Variants in ATM observed in about 807,000 individuals in gnomAD.
ATM encodes serine-protein kinase ATM.
ATM carries 308 observed loss-of-function variants against 387.0 expected under a neutral mutation model. The ratio of observed to expected loss-of-function variants is 0.80; its 90% CI spans 0.73 to 0.87. The LOEUF (loss-of-function observed/expected upper bound fraction) is 0.87. ATM is among the 40% of genes least tolerant of loss of function. The probability of loss-of-function intolerance (pLI) is 0.00; values close to 1 mark genes in which losing one functional copy is unlikely to be tolerated. For synonymous variants in ATM, 1,156 were observed against 1,187.3 expected, an observed-to-expected ratio of 0.97 and a Z score of 0.54; for missense variants, 3,312 against 3,560.9, an observed-to-expected ratio of 0.93 and a Z score of 1.78.
At chr11:108,291,847 T>G (rs1052823258) in intron 29 of ATM, among the ~76,000 whole-genome samples, 1 of 152,192 alleles carries the variant, frequency 6.6e-6, no homozygotes, top group African/African-American at 2.4e-5. Context: ...TTCTCTGGTC[T>G]TTTCTGAGCA....
At chr11:108,346,011 G>A (rs538880368) in intron 58 of ATM, 103 bp downstream of exon 58, 526 of 1,338,452 alleles carry the variant, frequency 3.9e-4, no homozygotes, top group African/African-American at 3.7e-3. Flanking sequence ...GCAGGGGGAT[G>A]ATAGTGATGA....
intron 22 of ATM, among the ~76,000 whole-genome samples, chr11:108,277,709 A>T (rs1218854463): frequency 6.6e-6 from 1 of 152,072 alleles, no homozygotes; most frequent in Non-Finnish European, 1.5e-5. Context: ...CGTGGGCTGC[A>T]CCCACTGTCT....
rs111635941 is a variant in ATM at position 108,317,667 on chromosome 11, A to T, written c.6347+146A>T. The T allele has an allele frequency of 1.9e-4, 45 of 231,366 alleles. 1 individual carries two copies. Among genetic ancestry groups the T allele is most frequent in the Middle Eastern group, 1.5e-3 (1 of 666 alleles). The allele number at this position is 231,366 out of a possible 1,614,324, so 14.3% of individuals were successfully genotyped here. A position where few individuals can be genotyped will look rare whatever the true frequency, so the allele number is the denominator to read the frequency against. On this transcript the variant is annotated intron_variant, in intron 43 of 62. Coordinates refer to ENST00000675843, the MANE Select transcript of ATM (RefSeq NM_000051.4). Reference sequence around the variant, plus strand: ...TATATATATATACACACACACACACACACACACTATATATATATACATACC... The same window carrying T: ...TATATATATATACACACACACACACTCACACACTATATATATATACATACC...
chr11:108,320,973 T>C (rs986003916), intron 44 of ATM, among the ~76,000 whole-genome samples: 1 of 152,172 alleles, frequency 6.6e-6, no homozygotes, highest in Non-Finnish European at 1.5e-5. Flanking sequence ...ATATATTTAC[T>C]AGTAAGTGGA....
At chr11:108,314,824 T>C (rs1467471533) in intron 40 of ATM, among the ~76,000 whole-genome samples, 2 of 152,094 alleles carry the variant, frequency 1.3e-5, no homozygotes, top group Non-Finnish European at 2.9e-5. Flanking sequence ...ATTGAGAAAA[T>C]GATAAGGAAG....
At chr11:108,284,553 G>C in intron 26 of ATM, 80 bp downstream of exon 26, 1 of 1,551,390 alleles carries the variant, frequency 6.4e-7, no homozygotes, top group Non-Finnish European at 8.9e-7. Context: ...CTATTTATTC[G>C]ATTTATTCGT....
At position 108,257,480 on chromosome 11, in the gene ATM, G is replaced by C. The variant is rs876659710; in HGVS notation, c.2251-1G>C. On this transcript the variant is annotated splice_acceptor_variant, in intron 14 of 62. Transcript: ENST00000675843. LOFTEE classifies it high-confidence loss of function. ...TGCATTTTTCCTTCTATTCACAATAGTCTCTAATGCAATGTGCAGGAGAAA... is the reference window on the plus strand; with the variant it reads ...TGCATTTTTCCTTCTATTCACAATACTCTCTAATGCAATGTGCAGGAGAAA... 1 of 1,612,552 alleles carries C rather than the reference G, an allele frequency of 6.2e-7. No individual in the cohort carries two copies. Among genetic ancestry groups the C allele is most frequent in the Non-Finnish European group, 8.5e-7 (1 of 1,179,568 alleles).
Position 108,316,069 on chromosome 11 carries a change from G to A in ATM, c.6154G>A (p.Glu2052Lys), listed in dbSNP as rs202206540. The change falls in exon 42 of 63, where the codon GAA becomes AAA. Residue 2052 changes from glutamate to lysine, a missense_variant. By Grantham distance (56) the Glu-to-Lys change is moderately conservative. Transcript: ENST00000675843. The part of the protein sequence containing the change: ...WGKALVTYDL[E>K]TAIPSSTRQA... ...CAAAGCCCTAGTAACATATGACCTC[G>A]AAACAGCAATCCCCTCATCAACACG... is the stretch of plus-strand genomic sequence containing the variant. The A allele has an allele frequency of 3.0e-5, 49 of 1,614,038 alleles. 1 individual carries two copies. In the South Asian group the frequency reaches 4.3e-4, roughly 14 times the overall value.
At chr11:108,283,450 T>C in intron 25 of ATM, among the ~76,000 whole-genome samples, 1 of 152,320 alleles carries the variant, frequency 6.6e-6, no homozygotes, top group South Asian at 2.1e-4. Flanking sequence ...AGGCATCTCA[T>C]ATTTGTTGAA....
At chr11:108,239,748 T>G (rs2079466914) in intron 5 of ATM, among the ~76,000 whole-genome samples, 1 of 152,202 alleles carries the variant, frequency 6.6e-6, no homozygotes, top group African/African-American at 2.4e-5. Flanking sequence ...CCATTTTACA[T>G]TCTCACCAGC....
chr11:108,352,000 A>G (rs1407969471), intron 59 of ATM, among the ~76,000 whole-genome samples: 1 of 152,156 alleles, frequency 6.6e-6, no homozygotes, highest in Non-Finnish European at 1.5e-5. Flanking sequence ...TGGGGAATCT[A>G]GTCTTCTGCC....
intron 38 of ATM, among the ~76,000 whole-genome samples, chr11:108,309,837 CCTATT>C (rs2083993703): frequency 1.3e-5 from 2 of 151,994 alleles, no homozygotes; most frequent in Non-Finnish European, 2.9e-5. Context: ...TTCTGTGTAT[CCTATT>C]CTTAGTCTGT....
chr11:108,268,332 G>A, intron 17 of ATM, 78 bp from the exon 18 acceptor site: 3 of 1,329,854 alleles, frequency 2.3e-6, no homozygotes, highest in Non-Finnish European at 1.1e-6. Context: ...TTGTGAAGAG[G>A]AGGAAATTTG....
intron 34 of ATM, among the ~76,000 whole-genome samples, chr11:108,300,339 ATTAC>A (rs1367431598): frequency 1.3e-5 from 2 of 152,292 alleles, no homozygotes; most frequent in Admixed American, 6.5e-5. Flanking sequence ...AGGGTCTTCT[ATTAC>A]TTATTCTCTG....
intron 7 of ATM, among the ~76,000 whole-genome samples, 190 bp downstream of exon 7, chr11:108,245,216 T>C (rs2079785735): frequency 6.6e-6 from 1 of 152,208 alleles, no homozygotes; most frequent in South Asian, 2.1e-4. Context: ...GATTCTGTTA[T>C]GCCTTTCTAT....
chr11:108,337,782 A>G (rs975512659), intron 56 of ATM, among the ~76,000 whole-genome samples: 6 of 152,260 alleles, frequency 3.9e-5, no homozygotes, highest in African/African-American at 1.4e-4. Context: ...TATGCTCTAA[A>G]TACCAAACTT....
intron 4 of ATM, among the ~76,000 whole-genome samples, chr11:108,234,812 G>A (rs976992162): frequency 6.6e-6 from 1 of 151,122 alleles, no homozygotes; most frequent in African/African-American, 2.4e-5. Flanking sequence ...CTGCACACCA[G>A]CCTGGGTGAT....
chr11:108,301,563 G>GT (rs2083429719), intron 34 of ATM, 85 bp from the exon 35 acceptor site: 1 of 1,552,180 alleles, frequency 6.4e-7, no homozygotes, highest in African/African-American at 1.4e-5. Flanking sequence ...TTAAATTTTA[G>GT]TTTTGAAATT....
At chr11:108,352,111 T>C (rs894727083) in intron 59 of ATM, among the ~76,000 whole-genome samples, 5 of 152,220 alleles carry the variant, frequency 3.3e-5, no homozygotes, top group African/African-American at 9.6e-5. Flanking sequence ...TAGGTGTCAA[T>C]TGAAAATCAT....
Sources: gnomAD v4.1 joint callset for allele counts (sites outside exome capture counted in the v4.1 genomes callset) on GRCh38, gnomAD v4.1.1 for gene constraint, MANE v1.5 for transcripts, NCBI Gene and HGNC (gene_info 2026-07-23, HGNC 2026-07-21) for gene names.